Variants in CNTN1 observed in about 807,000 individuals in gnomAD.
The protein encoded by CNTN1 is contactin-1.
A neutral mutation model predicts 126.4 loss-of-function variants in CNTN1; 38 were observed. The ratio of observed to expected loss-of-function variants is 0.30; its 90% confidence interval spans 0.23 to 0.39. The LOEUF (loss-of-function observed/expected upper bound fraction) is 0.39, where lower values mean the gene tolerates loss of function less well. Among genes scored for constraint, CNTN1 ranks in the 10% least tolerant of loss-of-function variants. The pLI is 1.00. For synonymous variants in CNTN1, 413 were observed against 422.6 expected, an observed-to-expected ratio of 0.98 and a Z score of 0.28; for missense variants, 1,009 against 1,248.4, an observed-to-expected ratio of 0.81 and a Z score of 2.89.
rs567380412 is a variant in CNTN1, at chr12:40,805,725, A to T, written c.-76-102632A>T. 2.0e-5 allele frequency among the ~76,000 whole-genome samples: 3 copies of T among 152,064 alleles called. No homozygotes were observed. In the South Asian group the frequency reaches 6.2e-4, roughly 32 times the overall value. On this transcript the variant is annotated intron_variant, in intron 1 of 23. Coordinates refer to ENST00000551295, the MANE Select transcript of CNTN1 (RefSeq NM_001843.4). ...TTGCTGTGTGTGTGTATGTGTGTGT[A>T]TCTCATAAATTTGAATGCTAAACAT... is the stretch of plus-strand genomic sequence containing the variant.
chr12:41,019,324 C>T, intron 19 of CNTN1, among the ~76,000 whole-genome samples: 1 of 152,170 alleles, frequency 6.6e-6, no homozygotes, highest in East Asian at 1.9e-4. Flanking sequence ...AGGCAAATAG[C>T]TTGTCATCTA....
intron 14 of CNTN1, among the ~76,000 whole-genome samples, chr12:40,954,219 G>A (rs116959433): frequency 0.014 from 2,197 of 151,954 alleles, 163 homozygotes; most frequent in Admixed American, 0.12. Context: ...ATTTTGTGTC[G>A]TAATAGTTTG....
intron 1 of CNTN1, among the ~76,000 whole-genome samples, chr12:40,786,201 G>A (rs566337450): frequency 1.3e-5 from 2 of 152,264 alleles, no homozygotes; most frequent in East Asian, 3.9e-4. Context: ...AGTTTCTGTG[G>A]TTATAGGACT....
intron 15 of CNTN1, among the ~76,000 whole-genome samples, chr12:40,977,806 G>T (rs1430883204): frequency 6.6e-6 from 1 of 150,406 alleles, no homozygotes; most frequent in Non-Finnish European, 1.5e-5. Context: ...GTTTTGTTTT[G>T]TTTTGTTTTG....
chr12:41,043,977 C>T (rs1445376081), intron 23 of CNTN1, among the ~76,000 whole-genome samples: 1 of 114,984 alleles, frequency 8.7e-6, no homozygotes, highest in Non-Finnish European at 1.7e-5. Flanking sequence ...GGAAGGGGAA[C>T]ATCACACTCT....
At chr12:40,767,994 ATTTCT>A (rs1288738576) in intron 1 of CNTN1, among the ~76,000 whole-genome samples, 6 of 720 alleles carry the variant, frequency 8.3e-3, no homozygotes, top group Admixed American at 0.062. Context: ...AAGACTGATC[ATTTCT>A]ATACTGATAT....
chr12:40,892,220 T>A (rs573492976), intron 1 of CNTN1, among the ~76,000 whole-genome samples: 86 of 152,174 alleles, frequency 5.7e-4, no homozygotes, highest in African/African-American at 1.9e-3. Context: ...ATGTATAGAC[T>A]GGATGCGAAT....
At chr12:40,949,063 TA>T (rs147468045) in intron 14 of CNTN1, among the ~76,000 whole-genome samples, 2,383 of 152,266 alleles carry the variant, frequency 0.016, 108 homozygotes, top group East Asian at 0.14. Context: ...AAAATTTTAT[TA>T]AACATATCAA....
chr12:40,822,146 A>ATTTTTTTTTTT (rs1315956279), intron 1 of CNTN1, among the ~76,000 whole-genome samples: 1 of 81,892 alleles, frequency 1.2e-5, no homozygotes, highest in Non-Finnish European at 2.6e-5. Flanking sequence ...CAAAATATAA[A>ATTTTTTTTTTT]TCTTTTTTTT....
chr12:40,847,622 T>C (rs1928561), intron 1 of CNTN1, among the ~76,000 whole-genome samples: 36,626 of 152,182 alleles, frequency 0.24, 4,907 homozygotes, highest in South Asian at 0.36. Flanking sequence ...TTAATTTTAT[T>C]AGTTTCATGG....
intron 17 of CNTN1, among the ~76,000 whole-genome samples, chr12:40,993,664 G>T (rs1044568681): frequency 6.6e-6 from 1 of 152,072 alleles, no homozygotes; most frequent in African/African-American, 2.4e-5. Flanking sequence ...TGATTTAGAA[G>T]GTTCATAATT....
At chr12:40,829,163 A>G (rs996525016) in intron 1 of CNTN1, among the ~76,000 whole-genome samples, 1 of 152,166 alleles carries the variant, frequency 6.6e-6, no homozygotes, top group African/African-American at 2.4e-5. Flanking sequence ...TTTCTTTAGG[A>G]TGAGAAAACA....
Position 41,025,355 on chromosome 12 carries a change from T to TGG in CNTN1, c.2710+19_2710+20insGG. ...AAAGCACGTGAGTCTCACGTTTTGT[T>TGG]TTTAGACTTGTCAAAAACTACCACT... On this transcript the variant is annotated intron_variant, in intron 21 of 23. Coordinates refer to ENST00000551295, the MANE Select transcript of CNTN1 (RefSeq NM_001843.4). 1 of 1,611,304 alleles carries TGG rather than the reference T, an allele frequency of 6.2e-7. No homozygotes were observed. The highest frequency in any genetic ancestry group is 8.5e-7 in the Non-Finnish European group (1 of 1,177,628).
At chr12:41,069,879 G>T (rs182621164) in intron 23 of CNTN1, 80 bp from the exon 24 acceptor site, 4 of 1,124,234 alleles carry the variant, frequency 3.6e-6, no homozygotes, top group Non-Finnish European at 5.4e-6. Context: ...ATGCAATCTC[G>T]CCTTAGCTGA....
At chr12:40,949,661 C>T (rs1169132659) in intron 14 of CNTN1, among the ~76,000 whole-genome samples, 1 of 142,912 alleles carries the variant, frequency 7.0e-6, no homozygotes, top group Non-Finnish European at 1.5e-5. Context: ...TCACTGCAAC[C>T]TCTCCCAGGT....
intron 23 of CNTN1, among the ~76,000 whole-genome samples, chr12:41,035,867 C>A (rs1949248127): frequency 6.6e-6 from 1 of 152,036 alleles, no homozygotes; most frequent in South Asian, 2.1e-4. Context: ...AACAGCCTGG[C>A]ATTGATTACA....
At chr12:40,786,533 A>G (rs1381090087) in intron 1 of CNTN1, among the ~76,000 whole-genome samples, 1 of 152,198 alleles carries the variant, frequency 6.6e-6, no homozygotes, top group African/African-American at 2.4e-5. Flanking sequence ...CTTATAAGGT[A>G]GAAGATGTTT....
chr12:41,043,955 C>T (rs963747545), intron 23 of CNTN1, among the ~76,000 whole-genome samples: 1 of 127,366 alleles, frequency 7.9e-6, no homozygotes, highest in African/African-American at 3.0e-5. Context: ...ACAATGAGAA[C>T]ACATGGACAC....
At chr12:40,999,413 C>T (rs1027466929) in intron 17 of CNTN1, among the ~76,000 whole-genome samples, 1 of 152,094 alleles carries the variant, frequency 6.6e-6, no homozygotes, top group African/African-American at 2.4e-5. Flanking sequence ...GGAGCCTAAA[C>T]TTAAGCTTCC....
Sources: allele counts gnomAD v4.1 joint callset (sites outside exome capture counted in the v4.1 genomes callset), GRCh38; gene constraint gnomAD v4.1.1; transcripts MANE v1.5; gene names NCBI Gene and HGNC (gene_info 2026-07-23, HGNC 2026-07-21).